Variants in TSGA10 observed in about 807,000 individuals in gnomAD.
TSGA10 encodes the protein testis specific 10.
A neutral mutation model predicts 96.6 loss-of-function variants in TSGA10; 43 were observed. The observed-to-expected ratio is 0.44, with a 90% CI of 0.35 to 0.57. The LOEUF (loss-of-function observed/expected upper bound fraction) is 0.57. TSGA10 is among the 20% of genes least tolerant of loss of function. The pLI, the probability that TSGA10 is intolerant of heterozygous loss-of-function variation, is 0.01. For missense variants in TSGA10, 703 were observed against 834.4 expected, an observed-to-expected ratio of 0.84 and a Z score of 1.94; for synonymous variants, 229 against 269.9, an observed-to-expected ratio of 0.85 and a Z score of 1.48.
At chr2:99,030,603 T>A (rs1284040619) in intron 17 of TSGA10, among the ~76,000 whole-genome samples, 3 of 152,048 alleles carry the variant, frequency 2.0e-5, no homozygotes, top group Non-Finnish European at 4.4e-5. Flanking sequence ...GTAATCTGTG[T>A]GCCACTGCAC....
chr2:99,060,236 T>G (rs1222477701), intron 16 of TSGA10, among the ~76,000 whole-genome samples: 1 of 152,190 alleles, frequency 6.6e-6, no homozygotes, highest in East Asian at 1.9e-4. Flanking sequence ...CACAAAATTC[T>G]ATTCTACTTT....
At chr2:99,078,053 C>T (rs1175698071) in intron 12 of TSGA10, among the ~76,000 whole-genome samples, 1 of 151,026 alleles carries the variant, frequency 6.6e-6, no homozygotes, top group East Asian at 2.0e-4. Flanking sequence ...GGGCGGATCA[C>T]GAGGTCAGGA....
intron 17 of TSGA10, 97 bp downstream of exon 17, chr2:99,035,133 T>C (rs2081506055): frequency 1.2e-6 from 1 of 834,722 alleles, no homozygotes; most frequent in Admixed American, 3.0e-5. Context: ...AAGACATGGA[T>C]TCATGTAATA....
intron 16 of TSGA10, among the ~76,000 whole-genome samples, chr2:99,064,104 T>C (rs919014092): frequency 3.9e-5 from 6 of 152,142 alleles, no homozygotes; most frequent in African/African-American, 1.4e-4. Flanking sequence ...AGAGCTGAAA[T>C]TGCACATATC....
chr2:99,154,033 T>C (rs903739078), intron 1 of TSGA10, among the ~76,000 whole-genome samples: 1 of 152,224 alleles, frequency 6.6e-6, no homozygotes, highest in African/African-American at 2.4e-5. Flanking sequence ...TGTTGTTGTT[T>C]TGGCCAATAG....
At chr2:99,135,466 C>G (rs2093286669) in intron 1 of TSGA10, among the ~76,000 whole-genome samples, 1 of 152,206 alleles carries the variant, frequency 6.6e-6, no homozygotes, top group Non-Finnish European at 1.5e-5. Context: ...ATTTGGCCAT[C>G]TTGCCAGCCA....
intron 20 of TSGA10, among the ~76,000 whole-genome samples, chr2:99,015,682 C>A (rs1558728999): frequency 6.6e-6 from 1 of 151,986 alleles, no homozygotes; most frequent in East Asian, 1.9e-4. Flanking sequence ...TAAAGGGCAC[C>A]TAAATCAGTA....
chr2:99,129,419 T>G (rs1263313644), intron 1 of TSGA10, among the ~76,000 whole-genome samples: 1 of 152,198 alleles, frequency 6.6e-6, no homozygotes, highest in Non-Finnish European at 1.5e-5. Flanking sequence ...ACTTTCTTCC[T>G]CCTCTTTGGT....
At chr2:99,047,992 T>C (rs568085167) in intron 16 of TSGA10, among the ~76,000 whole-genome samples, 19 of 152,150 alleles carry the variant, frequency 1.2e-4, no homozygotes, top group Admixed American at 1.0e-3. Flanking sequence ...GAGAATAAAA[T>C]ACCTAGGAAT....
intron 11 of TSGA10, among the ~76,000 whole-genome samples, chr2:99,080,422 C>T (rs2087306507): frequency 6.6e-6 from 1 of 152,114 alleles, no homozygotes; most frequent in African/African-American, 2.4e-5. Context: ...GGATCCTCTT[C>T]TCATTCTCTA....
At chr2:99,019,720 A>G (rs919107815) in intron 18 of TSGA10, among the ~76,000 whole-genome samples, 1 of 152,176 alleles carries the variant, frequency 6.6e-6, no homozygotes, top group Non-Finnish European at 1.5e-5. Context: ...AATAGAAAAA[A>G]AATTCACTAT....
In TSGA10 at chr2:98,997,844, G is replaced by C. The variant is rs553552324; in HGVS notation, c.*353C>G. 5.5e-6 allele frequency: 1 copy of C among 182,376 alleles called. No homozygotes were observed. The highest frequency in any genetic ancestry group is 2.3e-5 in the African/African-American group (1 of 42,862). 11.3% of individuals were successfully genotyped at this position (182,376 alleles called of 1,614,324 possible). A position where few individuals can be genotyped will look rare whatever the true frequency, so the allele number is the denominator to read the frequency against. The stretch of plus-strand genomic sequence containing the variant: ...AAAAAAATTAACCAACCAATTATTT[G>C]AGATACCAAGAAAGGAAAGGAAAGC... On this transcript the variant is annotated 3_prime_UTR_variant, in exon 21 of 21. Transcript: ENST00000393483.
intron 10 of TSGA10, among the ~76,000 whole-genome samples, chr2:99,086,060 T>C (rs1433902355): frequency 6.6e-6 from 1 of 152,170 alleles, no homozygotes; most frequent in Non-Finnish European, 1.5e-5. Context: ...AGGAAACAAT[T>C]GGTGCTAAAA....
chr2:99,073,532 GATTAAGTGTATTATTTATATT>G (rs1418647023), intron 12 of TSGA10, among the ~76,000 whole-genome samples: 2 of 152,106 alleles, frequency 1.3e-5, no homozygotes, highest in African/African-American at 4.8e-5. Context: ...GAATAATTTT[GATTAAGTGTATTATTTATATT>G]AGCCAGCAAC....
At chr2:99,138,793 G>A (rs1449037795) in intron 1 of TSGA10, among the ~76,000 whole-genome samples, 2 of 152,128 alleles carry the variant, frequency 1.3e-5, no homozygotes, top group South Asian at 2.1e-4. Flanking sequence ...AACAATTTCA[G>A]GGGATTTAAG....
At chr2:99,151,597 T>C (rs2093695050) in intron 1 of TSGA10, 1 of 152,226 alleles carries the variant, frequency 6.6e-6, no homozygotes, top group South Asian at 2.1e-4. Flanking sequence ...TCTTACATTT[T>C]GCATTTTTGT....
At chr2:99,090,708 A>T (rs896831824) in intron 10 of TSGA10, among the ~76,000 whole-genome samples, 1 of 152,160 alleles carries the variant, frequency 6.6e-6, no homozygotes. Flanking sequence ...AAAATAACCC[A>T]ATCCAACAAA....
chr2:99,030,869 A>T (rs1014511768), intron 17 of TSGA10, among the ~76,000 whole-genome samples: 5 of 152,176 alleles, frequency 3.3e-5, no homozygotes, highest in Non-Finnish European at 7.4e-5. Context: ...TAAATAAGAC[A>T]TACCACGTTC....
chr2:99,145,154 A>G (rs1574759002), intron 1 of TSGA10, among the ~76,000 whole-genome samples: 1 of 152,150 alleles, frequency 6.6e-6, no homozygotes, highest in South Asian at 2.1e-4. Context: ...CTGGCAGCCC[A>G]TGTTCCTTGG....
Sources: allele counts gnomAD v4.1 joint callset (sites outside exome capture counted in the v4.1 genomes callset), GRCh38; gene constraint gnomAD v4.1.1; transcripts MANE v1.5; gene names NCBI Gene and HGNC (gene_info 2026-07-23, HGNC 2026-07-21).